The following SCLT1 variants were observed in gnomAD, a reference collection of about 807,000 sequenced individuals.
The protein encoded by SCLT1 is sodium channel-associated protein 1.
SCLT1 carries 78 observed loss-of-function variants against 112.8 expected under a neutral mutation model. The observed-to-expected ratio is 0.69, with a 90% CI of 0.58 to 0.83. The LOEUF (loss-of-function observed/expected upper bound fraction) is 0.83. SCLT1 is among the 40% of genes least tolerant of loss of function. The pLI, the probability that SCLT1 is intolerant of heterozygous loss-of-function variation, is 0.00. For synonymous variants in SCLT1, 257 were observed against 254.7 expected, an observed-to-expected ratio of 1.01 and a Z score of -0.09; for missense variants, 747 against 770.4, an observed-to-expected ratio of 0.97 and a Z score of 0.36.
intron 1 of SCLT1, among the ~76,000 whole-genome samples, chr4:129,087,643 A>G (rs949040566): frequency 3.3e-5 from 5 of 151,428 alleles, no homozygotes; most frequent in Non-Finnish European, 5.9e-5. Flanking sequence ...AGTCCTAGCT[A>G]CTCAAGAGGG....
chr4:129,010,921 G>C (rs925392635), intron 5 of SCLT1, among the ~76,000 whole-genome samples: 8 of 152,064 alleles, frequency 5.3e-5, no homozygotes, highest in Non-Finnish European at 4.4e-5. Context: ...TCTTCCTCTT[G>C]CCTGACTGCC....
chr4:128,888,218 T>A (rs1733034668), intron 20 of SCLT1, among the ~76,000 whole-genome samples: 1 of 151,820 alleles, frequency 6.6e-6, no homozygotes, highest in South Asian at 2.1e-4. Flanking sequence ...TCTGTTTTTT[T>A]TTTTTTTGTT....
At chr4:128,914,577 T>A (rs1263999846) in intron 18 of SCLT1, among the ~76,000 whole-genome samples, 1 of 152,132 alleles carries the variant, frequency 6.6e-6, no homozygotes, top group Non-Finnish European at 1.5e-5. Context: ...GATGGTGATC[T>A]GATCTAATAT....
Position 128,957,127 on chromosome 4 carries a change from T to A in SCLT1, c.1048-3A>T. ...TTTTGCTTCTCCTCAAGTAGAGCCT[T>A]CAGAAAATAATCATTTCATGTTATA... On this transcript the variant is annotated splice_polypyrimidine_tract_variant and splice_region_variant and intron_variant, in intron 12 of 20. Transcript: ENST00000281142. 4 of 1,515,722 alleles carry A rather than the reference T, an allele frequency of 2.6e-6. No individual in the cohort carries two copies. Among genetic ancestry groups the A allele is most frequent in the Non-Finnish European group, 3.6e-6 (4 of 1,105,530 alleles). The allele number at this position is 1,515,722 out of a possible 1,614,324, so 93.9% of individuals were successfully genotyped here. A position where few individuals can be genotyped will look rare whatever the true frequency, so the allele number is the denominator to read the frequency against.
chr4:129,072,202 T>C (rs974512786), intron 2 of SCLT1, among the ~76,000 whole-genome samples: 12 of 152,220 alleles, frequency 7.9e-5, no homozygotes, highest in Non-Finnish European at 1.5e-4. Flanking sequence ...TTTTCCTTTA[T>C]AGGTTACCTG....
Position 128,952,770 on chromosome 4 carries a change from A to T in SCLT1, c.1217T>A (p.Met406Lys). ...RLTEELSALQ[M>K]ECAEKQGQIE... Reference sequence around the variant, plus strand: ...AAATATCAGTATAGTCAAACATACCATTTGAAGGGCTGAAAGTTCTTCTGT... The same window carrying T: ...AAATATCAGTATAGTCAAACATACCTTTTGAAGGGCTGAAAGTTCTTCTGT... Residue 406 changes from methionine to lysine, a missense_variant and splice_region_variant, in exon 14 of 21, where the codon ATG (methionine) becomes AAG (lysine). By Grantham distance (95) the Met-to-Lys change is moderately conservative. Transcript: ENST00000281142. The T allele has an allele frequency of 6.6e-7, 1 of 1,510,628 alleles. No individual in the cohort carries two copies. The highest frequency in any genetic ancestry group is 9.2e-7 in the Non-Finnish European group (1 of 1,085,922). 93.6% of individuals were successfully genotyped at this position (1,510,628 alleles called of 1,614,324 possible).
At chr4:128,953,828 A>AC (rs1560887202) in intron 13 of SCLT1, among the ~76,000 whole-genome samples, 1 of 151,484 alleles carries the variant, frequency 6.6e-6, no homozygotes, top group Non-Finnish European at 1.5e-5. Flanking sequence ...ACAAAAAAAA[A>AC]ACTTTAAAGG....
intron 2 of SCLT1, among the ~76,000 whole-genome samples, chr4:129,044,513 T>C (rs1037480944): frequency 6.6e-6 from 1 of 151,442 alleles, no homozygotes; most frequent in Non-Finnish European, 1.5e-5. Flanking sequence ...TTAGAAAATG[T>C]AATCAAAAAA....
At chr4:129,032,348 T>C (rs112691966) in intron 5 of SCLT1, among the ~76,000 whole-genome samples, 8 of 152,122 alleles carry the variant, frequency 5.3e-5, no homozygotes, top group African/African-American at 1.9e-4. Context: ...TCAAAATAAA[T>C]TAAAGACTTA....
intron 2 of SCLT1, among the ~76,000 whole-genome samples, chr4:129,066,909 G>A (rs1041287499): frequency 7.9e-5 from 12 of 151,982 alleles, no homozygotes; most frequent in Non-Finnish European, 1.5e-4. Context: ...AATTACCACT[G>A]GGAAGGGACA....
At chr4:128,931,028 GAGA>G (rs1736715271) in intron 18 of SCLT1, among the ~76,000 whole-genome samples, 2 of 152,106 alleles carry the variant, frequency 1.3e-5, no homozygotes, top group African/African-American at 4.8e-5. Flanking sequence ...ATAAAATGTA[GAGA>G]AGAAGAGGAA....
intron 5 of SCLT1, chr4:128,873,256 G>GAAAAAAAAAAAAAAAGAAAAAAAGA (rs1732324496): frequency 3.5e-5 from 1 of 28,694 alleles, no homozygotes; most frequent in African/African-American, 1.2e-4. Flanking sequence ...TAAGAAAAAG[G>GAAAAAAAAAAAAAAAGAAAAAAAGA]AAAAAAAAAA....
At chr4:129,006,417 A>C (rs767120385) in intron 5 of SCLT1, among the ~76,000 whole-genome samples, 2 of 151,788 alleles carry the variant, frequency 1.3e-5, no homozygotes, top group African/African-American at 2.4e-5. Flanking sequence ...GTGTGCCTGT[A>C]GTCCCAGCTA....
At chr4:129,033,085 A>G (rs963627197) in intron 5 of SCLT1, among the ~76,000 whole-genome samples, 7 of 152,166 alleles carry the variant, frequency 4.6e-5, no homozygotes, top group Non-Finnish European at 1.0e-4. Context: ...AACCAACCCA[A>G]ATGCCCATCA....
intron 5 of SCLT1, among the ~76,000 whole-genome samples, chr4:129,027,320 G>A (rs1426244664): frequency 2.8e-4 from 42 of 152,150 alleles, no homozygotes; most frequent in African/African-American, 9.2e-4. Flanking sequence ...CTGGCAAACC[G>A]AATCCAGCAG....
chr4:128,945,145 A>G (rs1738036716), intron 16 of SCLT1, among the ~76,000 whole-genome samples: 1 of 152,204 alleles, frequency 6.6e-6, no homozygotes, highest in African/African-American at 2.4e-5. Context: ...GTACACACGC[A>G]AAATACTCAT....
rs181512511 is a variant in SCLT1, at chr4:129,055,575, C to T, written c.103-11524G>A. On this transcript the variant is annotated intron_variant, in intron 2 of 20. Coordinates refer to ENST00000281142, the MANE Select transcript of SCLT1 (RefSeq NM_144643.4). ...ACCTTCCCAGCCTCCTTAGCAGTGA[C>T]GGGAAAACTGCCTACTCAAGTCTCA... Among the ~76,000 whole-genome samples, 131 of 152,220 alleles carry T rather than the reference C, an allele frequency of 8.6e-4. No individual in the cohort carries two copies. The East Asian group carries it at 0.016, about 19-fold the overall frequency.
At chr4:128,895,829 C>T (rs999666670) in intron 18 of SCLT1, among the ~76,000 whole-genome samples, 3 of 152,226 alleles carry the variant, frequency 2.0e-5, no homozygotes, top group African/African-American at 7.2e-5. Context: ...AATCGGGTCA[C>T]TCCCACCCTT....
intron 2 of SCLT1, among the ~76,000 whole-genome samples, chr4:129,066,154 CAT>C (rs1561042635): frequency 6.6e-6 from 1 of 151,906 alleles, no homozygotes; most frequent in Non-Finnish European, 1.5e-5. Context: ...AGCAGAAAAA[CAT>C]ATACATTTAA....
Sources: gnomAD v4.1 joint callset for allele counts (sites outside exome capture counted in the v4.1 genomes callset) on GRCh38, gnomAD v4.1.1 for gene constraint, MANE v1.5 for transcripts, NCBI Gene and HGNC (gene_info 2026-07-23, HGNC 2026-07-21) for gene names.